The following HPSE2 variants were observed in gnomAD, a reference collection of about 807,000 sequenced individuals.
HPSE2 encodes heparanase 2 (inactive).
In HPSE2, 38 loss-of-function variants were observed where a neutral mutation model predicts 60.5. The ratio of observed to expected loss-of-function variants is 0.63; its 90% CI spans 0.48 to 0.82. HPSE2 has a LOEUF of 0.82. Ranked by LOEUF, HPSE2 falls within the 40% of genes least tolerant of loss-of-function variation. The pLI is 0.00. For synonymous variants in HPSE2, 295 were observed against 293.2 expected (o/e 1.01, Z -0.06); for missense variants, 713 against 740.4 (o/e 0.96, Z 0.43).
At chr10:98,997,322 T>G (rs548184587) in intron 3 of HPSE2, among the ~76,000 whole-genome samples, 21 of 152,120 alleles carry the variant, frequency 1.4e-4, no homozygotes, top group African/African-American at 4.8e-4. Context: ...TTCACCATAT[T>G]GGCCAGGCTG....
intron 2 of HPSE2, among the ~76,000 whole-genome samples, chr10:99,147,112 T>C (rs1343362678): frequency 6.6e-6 from 1 of 152,186 alleles, no homozygotes; most frequent in Admixed American, 6.5e-5. Flanking sequence ...TGCCTCTATC[T>C]TAAATACGAC....
intron 2 of HPSE2, among the ~76,000 whole-genome samples, chr10:99,154,921 A>G (rs1846468424): frequency 6.6e-6 from 1 of 151,932 alleles, no homozygotes; most frequent in Non-Finnish European, 1.5e-5. Context: ...TACCAAGCAA[A>G]TGGAAAACAA....
rs530729744 is a variant in HPSE2, at chr10:99,062,346, T to C, written c.610+81892A>G. On this transcript the variant is annotated intron_variant, in intron 3 of 11. Coordinates refer to ENST00000370552, the MANE Select transcript of HPSE2 (RefSeq NM_021828.5). ...AGAAGAATTTATATTATTTAATCCA[T>C]GCTAGGATAGTAAACTGCCCACAAC... Among the ~76,000 whole-genome samples, 21 of 152,290 alleles carry C rather than the reference T, an allele frequency of 1.4e-4. No individual in the cohort carries two copies. The South Asian group carries it at 3.7e-3, about 27-fold the overall frequency.
At chr10:98,903,266 G>C (rs184854209) in intron 3 of HPSE2, among the ~76,000 whole-genome samples, 1 of 152,052 alleles carries the variant, frequency 6.6e-6, no homozygotes, top group Non-Finnish European at 1.5e-5. Flanking sequence ...CTAGGCCTAG[G>C]GGAGTGGGGA....
chr10:99,221,697 T>A (rs769876368), intron 2 of HPSE2, among the ~76,000 whole-genome samples: 4 of 152,156 alleles, frequency 2.6e-5, no homozygotes, highest in Admixed American at 1.3e-4. Context: ...TAAGGTGGAA[T>A]ATCCAGAGGG....
chr10:99,193,297 G>A (rs1169606530), intron 2 of HPSE2, among the ~76,000 whole-genome samples: 1 of 151,940 alleles, frequency 6.6e-6, no homozygotes, highest in Non-Finnish European at 1.5e-5. Context: ...AATAAAAAGT[G>A]AGAAACTATA....
chr10:99,132,238 AG>A (rs1845465284), intron 3 of HPSE2, among the ~76,000 whole-genome samples: 2 of 65,618 alleles, frequency 3.0e-5, no homozygotes, highest in African/African-American at 7.1e-5. Context: ...AGAGAGAGAG[AG>A]AGAGAAAGAA....
chr10:98,568,000 GAA>G (rs1944395181), intron 9 of HPSE2, among the ~76,000 whole-genome samples: 2 of 152,192 alleles, frequency 1.3e-5, no homozygotes. Context: ...GGCTAACATG[GAA>G]AAGACACTGC....
intron 3 of HPSE2, among the ~76,000 whole-genome samples, chr10:98,935,868 G>A (rs1032306201): frequency 6.9e-6 from 1 of 144,962 alleles, no homozygotes; most frequent in East Asian, 2.0e-4. Flanking sequence ...AGAGCCAAGA[G>A]GCAAGAAAGA....
chr10:99,125,643 T>A (rs1845132649), intron 3 of HPSE2, among the ~76,000 whole-genome samples: 2 of 152,226 alleles, frequency 1.3e-5, no homozygotes, highest in Non-Finnish European at 2.9e-5. Flanking sequence ...AACTGTGAGT[T>A]CCCAAAGCGT....
chr10:99,260,387 C>T, the HPSE2 span, among the ~76,000 whole-genome samples: 15 of 152,276 alleles, frequency 9.9e-5, no homozygotes, highest in African/African-American at 3.6e-4. Flanking sequence ...CCCCTGTCCT[C>T]GCCCTCGATT....
the HPSE2 span, among the ~76,000 whole-genome samples, chr10:99,303,039 G>C: frequency 6.6e-6 from 1 of 152,016 alleles, no homozygotes; most frequent in South Asian, 2.1e-4. Flanking sequence ...CCCACGATTT[G>C]GATTACCTAA....
intron 11 of HPSE2, among the ~76,000 whole-genome samples, chr10:98,460,718 A>G (rs1481366169): frequency 2.0e-5 from 3 of 152,262 alleles, no homozygotes; most frequent in Admixed American, 2.0e-4. Context: ...CAATTCATCT[A>G]TCTTGCTTTT....
At chr10:98,719,766 C>T (rs1220970626) in intron 5 of HPSE2, among the ~76,000 whole-genome samples, 12 of 150,418 alleles carry the variant, frequency 8.0e-5, no homozygotes, top group African/African-American at 2.7e-4. Context: ...TTTGGGAGGC[C>T]GAGACGGGTG....
intron 9 of HPSE2, among the ~76,000 whole-genome samples, chr10:98,527,727 C>A (rs1053007054): frequency 1.3e-5 from 2 of 152,172 alleles, no homozygotes; most frequent in African/African-American, 4.8e-5. Context: ...GAGGCTATGT[C>A]TGTTTCCTTT....
At chr10:98,950,224 C>G (rs1955313871) in intron 3 of HPSE2, among the ~76,000 whole-genome samples, 1 of 152,090 alleles carries the variant, frequency 6.6e-6, no homozygotes, top group East Asian at 1.9e-4. Flanking sequence ...AAGTCCTAGT[C>G]TTTTGTAGCC....
At chr10:99,232,620 C>G (rs564181971) in intron 1 of HPSE2, 115 bp from the exon 2 acceptor site, 1 of 1,206,304 alleles carries the variant, frequency 8.3e-7, no homozygotes, top group Non-Finnish European at 1.2e-6. Flanking sequence ...GGGCTAGAGG[C>G]TCTGTGCCTG....
At chr10:98,536,189 C>T (rs901753203) in intron 9 of HPSE2, among the ~76,000 whole-genome samples, 1 of 152,170 alleles carries the variant, frequency 6.6e-6, no homozygotes, top group Non-Finnish European at 1.5e-5. Context: ...AGCTTTGGGG[C>T]TTCAGGTGGA....
intron 3 of HPSE2, among the ~76,000 whole-genome samples, chr10:98,882,342 T>C (rs1467660547): frequency 6.6e-6 from 1 of 152,058 alleles, no homozygotes; most frequent in Non-Finnish European, 1.5e-5. Flanking sequence ...TGGCAATAAT[T>C]GATTAATATA....
Sources: gnomAD v4.1 joint callset for allele counts (sites outside exome capture counted in the v4.1 genomes callset) on GRCh38, gnomAD v4.1.1 for gene constraint, MANE v1.5 for transcripts, NCBI Gene and HGNC (gene_info 2026-07-23, HGNC 2026-07-21) for gene names.